The following SQSTM1 variants were observed in gnomAD, a reference collection of about 807,000 sequenced individuals.
The protein encoded by SQSTM1 is sequestosome 1.
Under a neutral mutation model 45.1 loss-of-function variants are expected in SQSTM1, and 36 were observed. That is an observed-to-expected ratio of 0.80 (90% CI 0.61 to 1.05). SQSTM1 has a LOEUF of 1.05. SQSTM1 is among the 50% of genes least tolerant of loss of function. The pLI is 0.00. For synonymous variants in SQSTM1, 290 were observed against 244.3 expected, an observed-to-expected ratio of 1.19 and a Z score of -1.74; for missense variants, 617 against 607.1, an observed-to-expected ratio of 1.02 and a Z score of -0.17.
At chr5:179,821,554 G>A (rs558417406) in intron 1 of SQSTM1, 4 of 470,634 alleles carry the variant, frequency 8.5e-6, no homozygotes. Context: ...GCGCCAGGTG[G>A]TGGGTTCAGA....
rs751702490 is a variant in SQSTM1 at position 179,836,643 on chromosome 5, G to GTT, written c.*51_*52dup. The GTT allele has an allele frequency of 6.2e-7, 1 of 1,613,646 alleles. No homozygotes were observed. Among genetic ancestry groups the GTT allele is most frequent in the Non-Finnish European group, 8.5e-7 (1 of 1,179,612 alleles). ...TGCCCCTCTTCTGTCTCATAGTTGT[G>GTT]TTAAGCTTGCGTAGAATTGCAGGTC... is the stretch of plus-strand genomic sequence containing the variant. On this transcript the variant is annotated 3_prime_UTR_variant, in exon 8 of 8. Transcript: ENST00000389805.
At position 179,822,895 on chromosome 5, in the gene SQSTM1, C is replaced by T. The variant is rs778068588; in HGVS notation, c.206-63C>T. Reference sequence around the variant, plus strand: ...CCTTTCATACTTGCCTCAGCCCATTCCAGCAGCTTATGTCCAGCTGAGAAC... The same window carrying T: ...CCTTTCATACTTGCCTCAGCCCATTTCAGCAGCTTATGTCCAGCTGAGAAC... On this transcript the variant is annotated intron_variant, in intron 1 of 7. Transcript: ENST00000389805. The T allele has an allele frequency of 7.0e-6, 10 of 1,436,366 alleles. 1 individual carries two copies. In the South Asian group the frequency reaches 1.2e-4, roughly 17 times the overall value. 89.0% of individuals were successfully genotyped at this position (1,436,366 alleles called of 1,614,324 possible).
rs777302431 is a variant in SQSTM1 at position 179,824,056 on chromosome 5, C to A, written c.500C>A (p.Ala167Glu). Residue 167 changes from alanine (A) to glutamate (E), a missense_variant, in exon 3 of 8, where the codon GCA (alanine) becomes GAA (glutamate). Ala to Glu is a moderately radical substitution (Grantham distance 107). Coordinates refer to ENST00000389805, the MANE Select transcript of SQSTM1 (RefSeq NM_003900.5). ...KGLHRGHTKL[A>E]FPSPFGHLSE... ...TTGCACCGGGGGCACACCAAGCTCG[C>A]ATTCCCCAGCCCCTTCGGGCACCTG... 6.2e-7 allele frequency: 1 copy of A among 1,613,870 alleles called. No homozygotes were observed. The highest frequency in any genetic ancestry group is 1.3e-5 in the African/African-American group (1 of 74,948).
At chr5:179,820,117 T>A (rs1757718595), upstream of SQSTM1, 2 of 152,778 alleles carry the variant, frequency 1.3e-5, no homozygotes, top group African/African-American at 4.8e-5. Flanking sequence ...AGGAGGCTGT[T>A]GGCTGACCCC....
At chr5:179,833,914 G>T in intron 7 of SQSTM1, 132 bp downstream of exon 7, 1 of 1,024,664 alleles carries the variant, frequency 9.8e-7, no homozygotes, top group South Asian at 1.3e-5. Context: ...GGTGTGGGAG[G>T]TTAGGAGTTG....
rs1366704822 is a variant in SQSTM1, at chr5:179,836,733, G to A, written c.*140G>A. On this transcript the variant is annotated 3_prime_UTR_variant, in exon 8 of 8. Transcript: ENST00000389805. ...GGGTTAGGGTGCAAGAAGCCATTTAGGGCAGCAAAACAAGTGACATGAAGG... is the reference window on the plus strand; with the variant it reads ...GGGTTAGGGTGCAAGAAGCCATTTAAGGCAGCAAAACAAGTGACATGAAGG... The A allele has an allele frequency of 1.5e-6, 2 of 1,320,712 alleles. No individual in the cohort carries two copies. The highest frequency in any genetic ancestry group is 2.2e-6 in the Non-Finnish European group (2 of 922,610). 81.8% of individuals were successfully genotyped at this position (1,320,712 alleles called of 1,614,324 possible).
At chr5:179,831,716 T>C (rs1408881273) in intron 5 of SQSTM1, among the ~76,000 whole-genome samples, 1 of 151,642 alleles carries the variant, frequency 6.6e-6, no homozygotes, top group East Asian at 1.9e-4. Flanking sequence ...CAAAAAGCGA[T>C]ACAAAGAAAT....
In SQSTM1 at chr5:179,825,009, C is replaced by A. The variant is rs1757935518; in HGVS notation, c.674-137C>A. 5 of 788,712 alleles carry A rather than the reference C, an allele frequency of 6.3e-6. No individual in the cohort carries two copies. The East Asian group carries it at 1.3e-4, about 21-fold the overall frequency. 48.9% of individuals were successfully genotyped at this position (788,712 alleles called of 1,614,324 possible). On this transcript the variant is annotated intron_variant, in intron 4 of 7. Coordinates refer to ENST00000389805, the MANE Select transcript of SQSTM1 (RefSeq NM_003900.5). ...GAGTGGGAGGAAGGAGAGGGGGATGCTGAGTGGGTCACTGGACAAGATGTC... is the reference window on the plus strand; with the variant it reads ...GAGTGGGAGGAAGGAGAGGGGGATGATGAGTGGGTCACTGGACAAGATGTC...
chr5:179,822,980 C>G lies in SQSTM1; in HGVS notation c.228C>G (p.Ala76=). 1 of 1,614,158 alleles carries G rather than the reference C, an allele frequency of 6.2e-7. No homozygotes were observed. The highest frequency in any genetic ancestry group is 8.5e-7 in the Non-Finnish European group (1 of 1,180,016). Residue 76 remains alanine, a synonymous_variant, in exon 2 of 8, where the codon GCC becomes GCG. Coordinates refer to ENST00000389805, the MANE Select transcript of SQSTM1 (RefSeq NM_003900.5). The part of the protein sequence containing the change: ...HYRDEDGDLV[A]FSSDEELTMA... Reference sequence around the variant, plus strand: ...TAGATGAGGACGGGGACTTGGTTGCCTTTTCCAGTGACGAGGAATTGACAA... The same window carrying G: ...TAGATGAGGACGGGGACTTGGTTGCGTTTTCCAGTGACGAGGAATTGACAA...
At position 179,823,445 on chromosome 5, in the gene SQSTM1, C is replaced by CAAAAAAA. The variant is rs59899831; in HGVS notation, c.302-384_302-378dup. 3.0e-4 allele frequency: 17 copies of CAAAAAAA among 55,922 alleles called. 1 individual carries two copies. Among genetic ancestry groups the CAAAAAAA allele is most frequent in the African/African-American group, 7.3e-4 (9 of 12,376 alleles). 3.5% of individuals were successfully genotyped at this position (55,922 alleles called of 1,614,324 possible). ...CATGACTGTACTCCAGCCTAGGCGA[C>CAAAAAAA]AAAAAAAAAAAAAAAAAAAAAAAAA... On this transcript the variant is annotated intron_variant, in intron 2 of 7. Coordinates refer to ENST00000389805, the MANE Select transcript of SQSTM1 (RefSeq NM_003900.5).
chr5:179,810,213 C>A (rs1426303614), intron 1 of SQSTM1, among the ~76,000 whole-genome samples: 1 of 152,094 alleles, frequency 6.6e-6, no homozygotes, highest in African/African-American at 2.4e-5. Context: ...TGGTATGCTG[C>A]ACCCATTAAC....
At position 179,825,166 on chromosome 5, in the gene SQSTM1, C is replaced by A. The variant is rs1225746517; in HGVS notation, c.694C>A (p.Pro232Thr). The change falls in exon 5 of 8, where the codon CCG (proline) becomes ACG (threonine). Residue 232 changes from proline to threonine, a missense_variant. Pro to Thr is a conservative substitution (Grantham distance 38). Coordinates refer to ENST00000389805, the MANE Select transcript of SQSTM1 (RefSeq NM_003900.5). ...CAAAGCTTCTGGTCCATCGGAGGAT[C>A]CGAGTGTGAATTTCCTGAAGAACGT... ...AESASGPSED[P>T]SVNFLKNVGE... 6.2e-7 allele frequency: 1 copy of A among 1,614,088 alleles called. No individual in the cohort carries two copies. Among genetic ancestry groups the A allele is most frequent in the Admixed American group, 1.7e-5 (1 of 60,024 alleles).
At chr5:179,823,095 T>G in intron 2 of SQSTM1, 42 bp downstream of exon 2, 1 of 1,565,154 alleles carries the variant, frequency 6.4e-7, no homozygotes, top group Non-Finnish European at 8.8e-7. Flanking sequence ...CAGCTCAGCT[T>G]GTACTCAGTT....
At chr5:179,826,533 C>T (rs574402645) in intron 5 of SQSTM1, among the ~76,000 whole-genome samples, 57 of 151,940 alleles carry the variant, frequency 3.8e-4, no homozygotes, top group South Asian at 2.1e-3. Context: ...AGCCCAAACA[C>T]GCATGGCTTC....
chr5:179,832,525 G>A (rs1403820684), intron 5 of SQSTM1, among the ~76,000 whole-genome samples: 1 of 152,176 alleles, frequency 6.6e-6, no homozygotes, highest in East Asian at 1.9e-4. Context: ...GAGGCACATG[G>A]CCTTCCATCA....
intron 5 of SQSTM1, among the ~76,000 whole-genome samples, chr5:179,831,544 C>T (rs1186961316): frequency 6.6e-6 from 1 of 152,042 alleles, no homozygotes; most frequent in Non-Finnish European, 1.5e-5. Flanking sequence ...TGCCTATAGT[C>T]CCAGCTACTC....
intron 7 of SQSTM1, among the ~76,000 whole-genome samples, chr5:179,834,132 C>T (rs148027853): frequency 0.01 from 1,442 of 138,954 alleles, 29 homozygotes; most frequent in African/African-American, 0.036. Flanking sequence ...ACTCAAGTGC[C>T]GCCTCAGGGA....
chr5:179,825,045 G>T (rs1033643097), intron 4 of SQSTM1, 101 bp from the exon 5 acceptor site: 6 of 1,207,708 alleles, frequency 5.0e-6, no homozygotes, highest in African/African-American at 1.5e-5. Flanking sequence ...CGGGTTAAAG[G>T]TCACCCGGGA....
At chr5:179,822,756 C>A in intron 1 of SQSTM1, 1 of 651,064 alleles carries the variant, frequency 1.5e-6, no homozygotes, top group Admixed American at 2.1e-5. Context: ...GGTCCAGGGC[C>A]CAGGTCGGAG....
Sources: allele counts gnomAD v4.1 joint callset (sites outside exome capture counted in the v4.1 genomes callset), GRCh38; gene constraint gnomAD v4.1.1; transcripts MANE v1.5; gene names NCBI Gene and HGNC (gene_info 2026-07-23, HGNC 2026-07-21).